Variants in ANKRD11 observed in about 807,000 individuals in gnomAD.
ANKRD11 encodes the protein ankyrin repeat domain 11, also known as ankyrin repeat domain-containing protein 11.
Under a neutral mutation model 195.7 loss-of-function variants are expected in ANKRD11, and 17 were observed. That is an observed-to-expected ratio of 0.09 (90% CI 0.06 to 0.13). The LOEUF is 0.13. ANKRD11 is among the 10% of genes least tolerant of loss of function. The probability of loss-of-function intolerance (pLI) is 1.00; values close to 1 mark genes in which losing one functional copy is unlikely to be tolerated. For synonymous variants in ANKRD11, 1,953 were observed against 1,528.1 expected, an observed-to-expected ratio of 1.28 and a Z score of -6.49; for missense variants, 3,735 against 3,566.1, an observed-to-expected ratio of 1.05 and a Z score of -1.21.
chr16:89,363,663 CCA>C (rs1292682583), intron 2 of ANKRD11, among the ~76,000 whole-genome samples: 1 of 152,154 alleles, frequency 6.6e-6, no homozygotes, highest in African/African-American at 2.4e-5. Flanking sequence ...CCACCAAGCA[CCA>C]CACGCTGCTT....
At chr16:89,313,273 A>G in intron 3 of ANKRD11, 1 of 1,273,954 alleles carries the variant, frequency 7.8e-7, no homozygotes, top group South Asian at 1.2e-5. Context: ...ACGACAGGGG[A>G]CCCATGGGGT....
intron 2 of ANKRD11, among the ~76,000 whole-genome samples, chr16:89,366,535 A>G (rs115090905): frequency 0.029 from 4,475 of 152,268 alleles, 150 homozygotes; most frequent in African/African-American, 0.075. Flanking sequence ...CTGGTGTGAG[A>G]TGGTGTCTCG....
chr16:89,477,950 C>G (rs1164539670), intron 1 of ANKRD11, among the ~76,000 whole-genome samples: 2 of 152,078 alleles, frequency 1.3e-5, no homozygotes, highest in Admixed American at 6.5e-5. Flanking sequence ...GAGCAAGACT[C>G]CATCTCAAAA....
chr16:89,322,209 CCAAGCCCCCTT>C, intron 2 of ANKRD11, among the ~76,000 whole-genome samples: 1 of 152,218 alleles, frequency 6.6e-6, no homozygotes, highest in African/African-American at 2.4e-5. Context: ...TATTAAAACA[CCAAGCCCCCTT>C]ACACCTGGGT....
At chr16:89,278,816 G>C in intron 9 of ANKRD11, 2 of 669,280 alleles carry the variant, frequency 3.0e-6, no homozygotes, top group Non-Finnish European at 5.5e-6. Context: ...GGTGCACCCA[G>C]GGTGAGGGGG....
chr16:89,390,045 GAA>G (rs553644317), intron 2 of ANKRD11, among the ~76,000 whole-genome samples: 1 of 80,674 alleles, frequency 1.2e-5, no homozygotes. Context: ...AGCACCGAGA[GAA>G]AGAAGATCAC....
chr16:89,448,237 G>C lies in ANKRD11; in HGVS notation c.-144-29869C>G, dbSNP rs993477548. Among the ~76,000 whole-genome samples, 2 of 152,186 alleles carry C rather than the reference G, an allele frequency of 1.3e-5. 1 individual carries two copies. The highest frequency in any genetic ancestry group is 4.1e-4 in the South Asian group (2 of 4,830). Reference sequence around the variant, plus strand: ...GCACAGGAATTCAGTAAGACTGATAGGTGATGTTTTTAGTTAGGGAGAATA... The same window carrying C: ...GCACAGGAATTCAGTAAGACTGATACGTGATGTTTTTAGTTAGGGAGAATA... On this transcript the variant is annotated intron_variant, in intron 1 of 12. Transcript: ENST00000301030.
At chr16:89,341,790 T>C (rs910214321) in intron 2 of ANKRD11, among the ~76,000 whole-genome samples, 6 of 152,172 alleles carry the variant, frequency 3.9e-5, no homozygotes, top group Non-Finnish European at 7.3e-5. Flanking sequence ...GGCCAAGAGA[T>C]GGCAGAGTCT....
chr16:89,477,512 C>T (rs544303295), intron 1 of ANKRD11, among the ~76,000 whole-genome samples: 48 of 152,080 alleles, frequency 3.2e-4, no homozygotes, highest in African/African-American at 1.1e-3. Flanking sequence ...CCTGCCACCA[C>T]GCCCAGCTAA....
intron 1 of ANKRD11, among the ~76,000 whole-genome samples, chr16:89,426,972 G>C (rs775702786): frequency 2.0e-5 from 3 of 152,160 alleles, no homozygotes; most frequent in Non-Finnish European, 4.4e-5. Context: ...CCTGTCTTTT[G>C]CCAAGTAGGA....
At position 89,326,322 on chromosome 16, in the gene ANKRD11, C is replaced by T. The variant is rs574027202; in HGVS notation, c.-59-9244G>A. The stretch of plus-strand genomic sequence containing the variant: ...AAGGTTAGAAAGGTCTGGGGTGTCA[C>T]GCACCGTTGCTGGGAATGCAGAGGA... On this transcript the variant is annotated intron_variant, in intron 2 of 12. Transcript: ENST00000301030. Among the ~76,000 whole-genome samples the T allele has an allele frequency of 1.1e-4, 17 of 152,200 alleles. No homozygotes were observed. The East Asian group carries it at 1.9e-3, about 17-fold the overall frequency.
chr16:89,345,101 G>A (rs1008857211), intron 2 of ANKRD11, among the ~76,000 whole-genome samples: 8 of 152,122 alleles, frequency 5.3e-5, no homozygotes, highest in Admixed American at 2.0e-4. Context: ...ACTGCTTCAC[G>A]GCCTGAAAGG....
At chr16:89,325,176 CCACTAGGATGTGAGGGTGGAA>C (rs2037630066) in intron 2 of ANKRD11, 1 of 152,390 alleles carries the variant, frequency 6.6e-6, no homozygotes, top group African/African-American at 2.4e-5. Context: ...TTGCGGCGTG[CCACTAGGATGTGAGGGTGGAA>C]CACTACACAG....
intron 1 of ANKRD11, among the ~76,000 whole-genome samples, chr16:89,454,816 C>T (rs1342677543): frequency 4.3e-4 from 27 of 62,652 alleles, no homozygotes; most frequent in South Asian, 8.4e-4. Context: ...CCCCTGGGTG[C>T]TTCCAGGGTT....
intron 2 of ANKRD11, chr16:89,320,226 C>T (rs967421461): frequency 4.6e-5 from 7 of 152,234 alleles, no homozygotes; most frequent in Admixed American, 1.3e-4. Flanking sequence ...GCCTTCTCAT[C>T]ACGATGCTGC....
intron 1 of ANKRD11, among the ~76,000 whole-genome samples, chr16:89,421,109 TG>T (rs1294306698): frequency 6.7e-6 from 1 of 150,038 alleles, no homozygotes; most frequent in Non-Finnish European, 1.5e-5. Context: ...CATCCATGTC[TG>T]GGGGTGGGGC....
intron 3 of ANKRD11, 94 bp from the exon 4 acceptor site, chr16:89,305,438 T>G: frequency 3.2e-6 from 5 of 1,547,234 alleles, no homozygotes; most frequent in Non-Finnish European, 4.4e-6. Flanking sequence ...AGCGCATCTC[T>G]TATTTGGGCA....
chr16:89,388,628 GC>G lies in ANKRD11; in HGVS notation c.-60+29655del, dbSNP rs2041034491. ...AAATATTTGCACCTGAGAAGATGGG[GC>G]TGAAGGAGGCTGCATAGAGCAGGAG... On this transcript the variant is annotated intron_variant, in intron 2 of 12. Coordinates refer to ENST00000301030, the MANE Select transcript of ANKRD11 (RefSeq NM_013275.6). Among the ~76,000 whole-genome samples the G allele has an allele frequency of 7.2e-5, 11 of 152,292 alleles. No homozygotes were observed. In the South Asian group the frequency reaches 2.3e-3, roughly 32 times the overall value.
At chr16:89,278,097 G>T (rs530845614) in intron 9 of ANKRD11, 4 of 223,614 alleles carry the variant, frequency 1.8e-5, no homozygotes, top group South Asian at 1.8e-4. Context: ...CACACAGTCC[G>T]CTAGGCACAG....
Sources: gnomAD v4.1 joint callset for allele counts (sites outside exome capture counted in the v4.1 genomes callset) on GRCh38, gnomAD v4.1.1 for gene constraint, MANE v1.5 for transcripts, NCBI Gene and HGNC (gene_info 2026-07-23, HGNC 2026-07-21) for gene names.